EPS15: variants seen among roughly 807,000 people sequenced by gnomAD.
EPS15 encodes the protein epidermal growth factor receptor pathway substrate 15.
Under a neutral mutation model 113.8 loss-of-function variants are expected in EPS15, and 72 were observed. The ratio of observed to expected loss-of-function variants is 0.63; its 90% CI spans 0.52 to 0.77. The LOEUF (loss-of-function observed/expected upper bound fraction) is 0.77, where lower values mean the gene tolerates loss of function less well. EPS15 is among the 30% of genes least tolerant of loss of function. The pLI, the probability that EPS15 is intolerant of heterozygous loss-of-function variation, is 0.00. For synonymous variants in EPS15, 344 were observed against 363.4 expected (o/e 0.95, Z 0.61); for missense variants, 1,048 against 1,045.8 (o/e 1.00, Z -0.03).
chr1:51,495,693 A>C (rs1365580848), intron 1 of EPS15, among the ~76,000 whole-genome samples: 2 of 152,102 alleles, frequency 1.3e-5, no homozygotes, highest in African/African-American at 2.4e-5. Context: ...GCAAAAAAAA[A>C]ACCTCTCCTT....
chr1:51,471,215 G>A (rs1655211375), intron 4 of EPS15, among the ~76,000 whole-genome samples: 1 of 151,998 alleles, frequency 6.6e-6, no homozygotes, highest in South Asian at 2.1e-4. Flanking sequence ...AACACCCTTG[G>A]CCATAACCAC....
At chr1:51,388,273 G>A (rs1362103429) in intron 21 of EPS15, among the ~76,000 whole-genome samples, 5 of 152,250 alleles carry the variant, frequency 3.3e-5, no homozygotes, top group African/African-American at 4.8e-5. Flanking sequence ...TGAAACCAAC[G>A]AGCACAAAGA....
intron 2 of EPS15, among the ~76,000 whole-genome samples, chr1:51,474,832 TC>T (rs1175904222): frequency 5.5e-5 from 2 of 36,578 alleles, no homozygotes; most frequent in African/African-American, 2.2e-4. Flanking sequence ...CCCTCCCCCC[TC>T]CCCCCAACCC....
chr1:51,434,782 C>A (rs1652009242), intron 12 of EPS15, among the ~76,000 whole-genome samples: 1 of 152,162 alleles, frequency 6.6e-6, no homozygotes, highest in African/African-American at 2.4e-5. Context: ...AGCGATTCTG[C>A]TGCCTCAGCC....
In EPS15 at chr1:51,356,641, A is replaced by G; in HGVS notation, c.*59T>C. On this transcript the variant is annotated 3_prime_UTR_variant, in exon 25 of 25. Transcript: ENST00000371733. ...CAGGTAGTTTTGATACACATTGTAA[A>G]TAGTTTCAGTATTCAGGAAGAAGAA... The G allele has an allele frequency of 6.8e-7, 1 of 1,462,080 alleles. No individual in the cohort carries two copies. The highest frequency in any genetic ancestry group is 9.4e-7 in the Non-Finnish European group (1 of 1,064,498). 90.6% of individuals were successfully genotyped at this position (1,462,080 alleles called of 1,614,324 possible).
At chr1:51,362,283 T>G (rs773117599) in intron 23 of EPS15, among the ~76,000 whole-genome samples, 1 of 152,092 alleles carries the variant, frequency 6.6e-6, no homozygotes, top group African/African-American at 2.4e-5. Context: ...TAGCCAAGGG[T>G]CAGATATATG....
At chr1:51,463,495 T>C in intron 7 of EPS15, 178 bp downstream of exon 7, 4 of 466,696 alleles carry the variant, frequency 8.6e-6, no homozygotes, top group South Asian at 4.1e-5. Context: ...AATAACCAAA[T>C]ACAGAAATAT....
chr1:51,381,990 G>A (rs1412213017), intron 21 of EPS15, among the ~76,000 whole-genome samples: 1 of 152,012 alleles, frequency 6.6e-6, no homozygotes, highest in African/African-American at 2.4e-5. Context: ...TAGAAAAATA[G>A]AGAAAATCAA....
At chr1:51,364,430 AAATAT>A (rs1429044603) in intron 22 of EPS15, among the ~76,000 whole-genome samples, 1 of 152,224 alleles carries the variant, frequency 6.6e-6, no homozygotes, top group African/African-American at 2.4e-5. Context: ...TAATGAACTT[AAATAT>A]AAGATTTAAT....
chr1:51,409,053 T>A (rs1335657011), intron 14 of EPS15, among the ~76,000 whole-genome samples: 1 of 152,138 alleles, frequency 6.6e-6, no homozygotes, highest in Non-Finnish European at 1.5e-5. Flanking sequence ...CCCAAAGTGC[T>A]GGGATTAAAG....
At chr1:51,492,742 A>C (rs2148539452) in intron 1 of EPS15, among the ~76,000 whole-genome samples, 1 of 152,292 alleles carries the variant, frequency 6.6e-6, no homozygotes, top group African/African-American at 2.4e-5. Context: ...TCAGTGGAAG[A>C]AGCATGATCT....
Position 51,457,560 on chromosome 1 carries a change from C to G in EPS15, c.561+3531G>C, listed in dbSNP as rs149498869. ...TCCAGATTCTGGAATATTATCCTAT[C>G]TTGGGGATGGGACCCAAGTCTAAAC... On this transcript the variant is annotated intron_variant, in intron 8 of 24. Coordinates refer to ENST00000371733, the MANE Select transcript of EPS15 (RefSeq NM_001981.3). The G allele has an allele frequency of 7.1e-3, 574 of 81,344 alleles. 6 individuals are homozygous for G. Among genetic ancestry groups the G allele is most frequent in the African/African-American group, 0.027 (557 of 20,490 alleles). The allele number at this position is 81,344 out of a possible 1,614,324, so 5.0% of individuals were successfully genotyped here.
intron 21 of EPS15, among the ~76,000 whole-genome samples, chr1:51,386,392 T>C (rs1237363492): frequency 1.3e-5 from 2 of 151,920 alleles, no homozygotes; most frequent in African/African-American, 4.8e-5. Context: ...TCAGACAGAG[T>C]GGCCTGAATA....
intron 13 of EPS15, among the ~76,000 whole-genome samples, chr1:51,410,758 A>G (rs1053293097): frequency 6.6e-6 from 1 of 152,220 alleles, no homozygotes; most frequent in Non-Finnish European, 1.5e-5. Flanking sequence ...TAAGAATCTA[A>G]GAACAGAAGA....
At chr1:51,426,305 G>A (rs748086361) in intron 12 of EPS15, among the ~76,000 whole-genome samples, 15 of 150,588 alleles carry the variant, frequency 1.0e-4, no homozygotes, top group East Asian at 2.0e-4. Flanking sequence ...GCTCCTGGTC[G>A]AAGCTTAGCC....
chr1:51,487,655 C>G (rs991535334), intron 1 of EPS15, among the ~76,000 whole-genome samples: 1 of 152,090 alleles, frequency 6.6e-6, no homozygotes, highest in African/African-American at 2.4e-5. Context: ...AAACCTCATA[C>G]ACAGTAAGAA....
intron 12 of EPS15, among the ~76,000 whole-genome samples, chr1:51,432,124 T>C (rs1651781188): frequency 6.6e-6 from 1 of 152,166 alleles, no homozygotes; most frequent in Non-Finnish European, 1.5e-5. Flanking sequence ...GGAGTTGAAA[T>C]TTCTTGGTAG....
At chr1:51,474,909 C>T (rs1655547380) in intron 2 of EPS15, among the ~76,000 whole-genome samples, 1 of 148,408 alleles carries the variant, frequency 6.7e-6, no homozygotes, top group Non-Finnish European at 1.5e-5. Flanking sequence ...TCAATTCCCA[C>T]CTATGAGTGA....
intron 8 of EPS15, among the ~76,000 whole-genome samples, chr1:51,455,291 A>G: frequency 6.6e-6 from 1 of 151,910 alleles, no homozygotes; most frequent in Non-Finnish European, 1.5e-5. Context: ...TTCAAATCAT[A>G]ACAGAAAAAT....
Sources: allele counts gnomAD v4.1 joint callset (sites outside exome capture counted in the v4.1 genomes callset), GRCh38; gene constraint gnomAD v4.1.1; transcripts MANE v1.5; gene names NCBI Gene and HGNC (gene_info 2026-07-23, HGNC 2026-07-21).